Variants in TRIQK observed in about 807,000 individuals in gnomAD.
TRIQK encodes the protein triple QxxK/R motif containing.
A neutral mutation model predicts 10.8 loss-of-function variants in TRIQK; 10 were observed. That is an observed-to-expected ratio of 0.92 (90% CI 0.57 to 1.57). The LOEUF is 1.57. Among genes scored for constraint, TRIQK ranks in the 40% most tolerant of loss-of-function variants. The pLI, the probability that TRIQK is intolerant of heterozygous loss-of-function variation, is 0.00. For synonymous variants in TRIQK, 33 were observed against 33.7 expected, an observed-to-expected ratio of 0.98 and a Z score of 0.07; for missense variants, 107 against 97.7, an observed-to-expected ratio of 1.09 and a Z score of -0.40.
At chr8:92,921,971 A>C (rs1810216168) in intron 2 of TRIQK, among the ~76,000 whole-genome samples, 1 of 151,848 alleles carries the variant, frequency 6.6e-6, no homozygotes, top group Non-Finnish European at 1.5e-5. Context: ...TCCATATGTG[A>C]CAAAGTTATA....
At chr8:92,940,783 C>T (rs922924175) in intron 2 of TRIQK, among the ~76,000 whole-genome samples, 44 of 152,240 alleles carry the variant, frequency 2.9e-4, no homozygotes, top group African/African-American at 1.1e-3. Flanking sequence ...AAGAACCTAA[C>T]AGATGTTTAC....
intron 2 of TRIQK, among the ~76,000 whole-genome samples, chr8:92,942,448 G>A (rs993785087): frequency 1.9e-4 from 29 of 152,102 alleles, no homozygotes; most frequent in African/African-American, 6.8e-4. Flanking sequence ...ACTGAATGTG[G>A]AAAAGTTGAA....
intron 1 of TRIQK, among the ~76,000 whole-genome samples, chr8:92,996,349 T>C (rs1209385167): frequency 6.6e-6 from 1 of 152,074 alleles, no homozygotes; most frequent in Non-Finnish European, 1.5e-5. Flanking sequence ...TATGTATTTT[T>C]AGTTATTTCA....
At chr8:93,015,956 A>G (rs1025680218) in intron 1 of TRIQK, among the ~76,000 whole-genome samples, 1 of 152,158 alleles carries the variant, frequency 6.6e-6, no homozygotes, top group Non-Finnish European at 1.5e-5. Flanking sequence ...GTAAAAAAAT[A>G]AATAAAACAG....
intron 2 of TRIQK, among the ~76,000 whole-genome samples, chr8:92,925,355 ATAG>A (rs996110971): frequency 6.6e-6 from 1 of 152,156 alleles, no homozygotes; most frequent in Non-Finnish European, 1.5e-5. Flanking sequence ...TGAAGAAAAC[ATAG>A]TAGGATATAT....
chr8:92,981,958 T>G (rs2130744294), intron 1 of TRIQK, among the ~76,000 whole-genome samples: 1 of 151,938 alleles, frequency 6.6e-6, no homozygotes, highest in Non-Finnish European at 1.5e-5. Flanking sequence ...ACTGTAGCAT[T>G]TTTAGACTTA....
chr8:92,884,928 T>C lies in TRIQK; in HGVS notation c.*1694A>G. 2.2e-6 allele frequency: 1 copy of C among 456,206 alleles called. No individual in the cohort carries two copies. Among genetic ancestry groups the C allele is most frequent in the Non-Finnish European group, 4.4e-6 (1 of 226,740 alleles). The allele number at this position is 456,206 out of a possible 1,614,324, so 28.3% of individuals were successfully genotyped here. ...GGCCCATCATATCCAAAATGCCAGC[T>C]TGGATATTCCCTTGCCACCCACTTG... On this transcript the variant is annotated 3_prime_UTR_variant, in exon 5 of 5. Transcript: ENST00000521988.
At chr8:92,959,986 T>G (rs1812369804) in intron 1 of TRIQK, among the ~76,000 whole-genome samples, 1 of 152,148 alleles carries the variant, frequency 6.6e-6, no homozygotes, top group African/African-American at 2.4e-5. Context: ...CTTTTTTCTT[T>G]TCTTTCTTGA....
intron 4 of TRIQK, among the ~76,000 whole-genome samples, chr8:92,889,936 T>C (rs1394992061): frequency 6.6e-6 from 1 of 151,646 alleles, no homozygotes; most frequent in Admixed American, 6.6e-5. Context: ...AAATGAAGAG[T>C]ATATCTATGA....
intron 1 of TRIQK, among the ~76,000 whole-genome samples, chr8:92,991,756 C>A (rs945835971): frequency 2.0e-5 from 3 of 152,142 alleles, no homozygotes; most frequent in Admixed American, 2.0e-4. Context: ...TAGAAAATCC[C>A]ATCGTCTCAG....
At chr8:92,970,858 G>C (rs1426386411), upstream of TRIQK, among the ~76,000 whole-genome samples, 1 of 152,064 alleles carries the variant, frequency 6.6e-6, no homozygotes, top group Non-Finnish European at 1.5e-5. Context: ...CTTTTGTCAT[G>C]AAATCTTTGC....
intron 1 of TRIQK, among the ~76,000 whole-genome samples, chr8:92,957,259 T>C (rs1041696724): frequency 6.6e-6 from 1 of 151,836 alleles, no homozygotes; most frequent in Non-Finnish European, 1.5e-5. Context: ...TATGTAAGTA[T>C]GTATATAAAT....
intron 2 of TRIQK, among the ~76,000 whole-genome samples, chr8:92,931,948 CA>C (rs1810750067): frequency 6.6e-6 from 1 of 152,082 alleles, no homozygotes; most frequent in Non-Finnish European, 1.5e-5. Flanking sequence ...ATATTTTAGG[CA>C]ATACCTGAAA....
intron 3 of TRIQK, among the ~76,000 whole-genome samples, chr8:92,905,219 T>C (rs1443000845): frequency 2.6e-5 from 4 of 151,958 alleles, no homozygotes; most frequent in Admixed American, 2.6e-4. Context: ...AATACCAGTA[T>C]ATAGAAATAA....
At chr8:92,907,212 A>G (rs532337660) in intron 3 of TRIQK, among the ~76,000 whole-genome samples, 8 of 152,286 alleles carry the variant, frequency 5.3e-5, no homozygotes, top group Admixed American at 2.6e-4. Flanking sequence ...AATCATGGCT[A>G]TTTCCATCTG....
At chr8:92,924,955 A>C (rs2130512291) in intron 2 of TRIQK, among the ~76,000 whole-genome samples, 1 of 152,230 alleles carries the variant, frequency 6.6e-6, no homozygotes, top group East Asian at 1.9e-4. Context: ...TAGCCTCAGA[A>C]AAAGTATCTA....
At chr8:93,012,166 T>A (rs75028816) in intron 1 of TRIQK, among the ~76,000 whole-genome samples, 5,424 of 152,278 alleles carry the variant, frequency 0.036, 321 homozygotes, top group African/African-American at 0.12. Flanking sequence ...CTCTTGAAAT[T>A]GGATGGATCA....
Position 92,916,945 on chromosome 8 carries a change from CT to C in TRIQK, c.44del (p.Gln15ArgfsTer23). On this transcript the variant is annotated frameshift_variant, in exon 3 of 5. Coordinates refer to ENST00000521988, the MANE Select transcript of TRIQK (RefSeq NM_001171797.2). LOFTEE classifies it high-confidence loss of function. ...DAATIKLPVD[Q>X]YRKQIGKQDY... ...ATTGCTTACCAATTTGTTTTCTGTA[CT>C]GATCAACAGGAAGTTTTATAGTAGC... 1 of 1,501,058 alleles carries C rather than the reference CT, an allele frequency of 6.7e-7. No homozygotes were observed. Among genetic ancestry groups the C allele is most frequent in the Non-Finnish European group, 8.8e-7 (1 of 1,130,758 alleles). The allele number at this position is 1,501,058 out of a possible 1,614,324, so 93.0% of individuals were successfully genotyped here.
In TRIQK at chr8:92,885,020, C is replaced by T. The variant is rs756692984; in HGVS notation, c.*1602G>A. On this transcript the variant is annotated 3_prime_UTR_variant, in exon 5 of 5. Transcript: ENST00000521988. ...CCTAAAAATGCCACTTGGATTGGTCCGCTGTGGTGAGTATATAAGAACTCT... is the reference window on the plus strand; with the variant it reads ...CCTAAAAATGCCACTTGGATTGGTCTGCTGTGGTGAGTATATAAGAACTCT... 7.5e-5 allele frequency: 34 copies of T among 455,964 alleles called. No individual in the cohort carries two copies. Among genetic ancestry groups the T allele is most frequent in the South Asian group, 1.7e-4 (11 of 64,530 alleles). 28.2% of individuals were successfully genotyped at this position (455,964 alleles called of 1,614,324 possible). A position where few individuals can be genotyped will look rare whatever the true frequency, so the allele number is the denominator to read the frequency against.
Sources: allele counts gnomAD v4.1 joint callset (sites outside exome capture counted in the v4.1 genomes callset), GRCh38; gene constraint gnomAD v4.1.1; transcripts MANE v1.5; gene names NCBI Gene and HGNC (gene_info 2026-07-23, HGNC 2026-07-21).